Variants in ALDH2 observed in about 807,000 individuals in gnomAD.
The protein encoded by ALDH2 is aldehyde dehydrogenase, mitochondrial.
Under a neutral mutation model 59.6 loss-of-function variants are expected in ALDH2, and 44 were observed. That is an observed-to-expected ratio of 0.74 (90% CI 0.58 to 0.95). The LOEUF (loss-of-function observed/expected upper bound fraction) is 0.95. ALDH2 is among the 40% of genes least tolerant of loss of function. The pLI is 0.00. For missense variants in ALDH2, 570 were observed against 696.3 expected (o/e 0.82, Z 2.04); for synonymous variants, 291 against 284.0 (o/e 1.02, Z -0.25).
At chr12:111,780,080 A>T (rs1478710847) in intron 1 of ALDH2, among the ~76,000 whole-genome samples, 1 of 152,002 alleles carries the variant, frequency 6.6e-6, no homozygotes, top group East Asian at 1.9e-4. Context: ...TTTAGTAGAG[A>T]TGGGGTTTCA....
In ALDH2 at chr12:111,816,411, G is replaced by A. The variant is rs939976161; in HGVS notation, c.*6836G>A. On this transcript the variant is annotated 3_prime_UTR_variant, in exon 13 of 13. Coordinates refer to ENST00000261733, the MANE Select transcript of ALDH2 (RefSeq NM_000690.4). ...ATTCTTTGAACAGTAGGCTCTAGAT[G>A]TCTCAGTAGATAACCTCAAAGAGCA... The A allele has an allele frequency of 1.3e-5, 2 of 152,186 alleles. No individual in the cohort carries two copies. The highest frequency in any genetic ancestry group is 4.8e-5 in the African/African-American group (2 of 41,442). The allele number at this position is 152,186 out of a possible 1,614,324, so 9.4% of individuals were successfully genotyped here. A position where few individuals can be genotyped will look rare whatever the true frequency, so the allele number is the denominator to read the frequency against.
Position 111,781,925 on chromosome 12 carries a change from T to G in ALDH2, c.122T>G (p.Ile41Arg). Residue 41 changes from isoleucine to arginine, a missense_variant, in exon 2 of 13, where the codon ATA becomes AGA. Physicochemically the swap from Ile to Arg is moderately conservative, Grantham distance 97 (BLOSUM62 -3). Coordinates refer to ENST00000261733, the MANE Select transcript of ALDH2 (RefSeq NM_000690.4). ...CTTTCCTTCTCATTGTAGATTTTCA[T>G]AAACAATGAATGGCACGATGCCGTC... The part of the protein sequence containing the change: ...QPEVFCNQIF[I>R]NNEWHDAVSR... 3 of 1,613,500 alleles carry G rather than the reference T, an allele frequency of 1.9e-6. No individual in the cohort carries two copies. Among genetic ancestry groups the G allele is most frequent in the Non-Finnish European group, 2.5e-6 (3 of 1,179,570 alleles).
At chr12:111,807,263 AAAAAC>A (rs545281923) in intron 12 of ALDH2, among the ~76,000 whole-genome samples, 2 of 152,078 alleles carry the variant, frequency 1.3e-5, no homozygotes, top group Non-Finnish European at 2.9e-5. Context: ...ACTCTGTCTC[AAAAAC>A]AAAACAAAAC....
intron 4 of ALDH2, among the ~76,000 whole-genome samples, chr12:111,788,736 T>C (rs1279107548): frequency 6.6e-6 from 1 of 152,118 alleles, no homozygotes; most frequent in Non-Finnish European, 1.5e-5. Context: ...TGCTAATGGC[T>C]CGAGCCTGTA....
rs1383343366 is a variant in ALDH2, at chr12:111,803,942, A to G, written c.1490A>G (p.Tyr497Cys). The change falls in exon 12 of 13, where the codon TAC (tyrosine) becomes TGC (cysteine). Residue 497 changes from tyrosine to cysteine, a missense_variant. Coordinates refer to ENST00000261733, the MANE Select transcript of ALDH2 (RefSeq NM_000690.4). Reference sequence around the variant, plus strand: ...GGGAGTGGCCGGGAGTTGGGCGAGTACGGGCTGCAGGCATACACTGAAGTG... The same window carrying G: ...GGGAGTGGCCGGGAGTTGGGCGAGTGCGGGCTGCAGGCATACACTGAAGTG... ...MSGSGRELGE[Y>C]GLQAYTEVKT... 4 of 1,611,966 alleles carry G rather than the reference A, an allele frequency of 2.5e-6. No homozygotes were observed. The highest frequency in any genetic ancestry group is 3.4e-6 in the Non-Finnish European group (4 of 1,178,986).
chr12:111,780,406 T>A (rs1294249009), intron 1 of ALDH2, among the ~76,000 whole-genome samples: 1 of 152,186 alleles, frequency 6.6e-6, no homozygotes, highest in Non-Finnish European at 1.5e-5. Flanking sequence ...TCACTTCCTT[T>A]CTGGTTCACC....
intron 1 of ALDH2, among the ~76,000 whole-genome samples, chr12:111,769,809 C>T (rs745751835): frequency 4.3e-4 from 65 of 152,030 alleles, no homozygotes; most frequent in Non-Finnish European, 8.2e-4. Context: ...AGGGATGGTG[C>T]ATACAGCAGT....
At chr12:111,804,985 C>T (rs1242538027) in intron 12 of ALDH2, among the ~76,000 whole-genome samples, 2 of 152,096 alleles carry the variant, frequency 1.3e-5, no homozygotes, top group African/African-American at 2.4e-5. Flanking sequence ...TTCATCACTG[C>T]TTTATCTCTA....
chr12:111,791,437 T>C lies in ALDH2; in HGVS notation c.795+18T>C, dbSNP rs1300387250. The C allele has an allele frequency of 1.3e-6, 2 of 1,586,868 alleles. No individual in the cohort carries two copies. The highest frequency in any genetic ancestry group is 2.3e-5 in the East Asian group (1 of 44,266). On this transcript the variant is annotated intron_variant, in intron 7 of 12. Coordinates refer to ENST00000261733, the MANE Select transcript of ALDH2 (RefSeq NM_000690.4). ...CCACTGAGGTAAGGTGACCCTGGCC[T>C]CAAGCTTGCAGCCTCCTTGGCCCAA...
intron 1 of ALDH2, among the ~76,000 whole-genome samples, chr12:111,777,918 G>A (rs1328977612): frequency 6.6e-6 from 1 of 152,170 alleles, no homozygotes; most frequent in African/African-American, 2.4e-5. Flanking sequence ...CAGAACCCCA[G>A]TTAATGTTTA....
At chr12:111,771,837 G>A (rs996630135) in intron 1 of ALDH2, among the ~76,000 whole-genome samples, 9 of 152,090 alleles carry the variant, frequency 5.9e-5, no homozygotes, top group African/African-American at 1.7e-4. Context: ...GGTGGCTCAC[G>A]CCTGTAATCT....
chr12:111,776,237 G>A (rs1436288665), intron 1 of ALDH2, among the ~76,000 whole-genome samples: 6 of 152,108 alleles, frequency 3.9e-5, no homozygotes, highest in Non-Finnish European at 8.8e-5. Context: ...TTTGGTGCAG[G>A]GAACAACATA....
chr12:111,773,358 TATA>T (rs991429786), intron 1 of ALDH2, among the ~76,000 whole-genome samples: 1 of 152,198 alleles, frequency 6.6e-6, no homozygotes, highest in African/African-American at 2.4e-5. Flanking sequence ...GTGACAGGGC[TATA>T]ATAATGTTTG....
intron 2 of ALDH2, among the ~76,000 whole-genome samples, chr12:111,782,806 C>G (rs979160868): frequency 6.6e-6 from 1 of 152,008 alleles, no homozygotes; most frequent in Non-Finnish European, 1.5e-5. Context: ...ATTGCTTGAA[C>G]CCGGGAGGCG....
At chr12:111,778,061 C>T (rs2068245777) in intron 1 of ALDH2, among the ~76,000 whole-genome samples, 1 of 152,154 alleles carries the variant, frequency 6.6e-6, no homozygotes, top group African/African-American at 2.4e-5. Flanking sequence ...ACGACTCCTT[C>T]CTGGGGCACT....
At chr12:111,797,963 T>G (rs2068418402) in intron 9 of ALDH2, 115 bp from the exon 10 acceptor site, 1 of 1,273,124 alleles carries the variant, frequency 7.9e-7, no homozygotes, top group African/African-American at 1.5e-5. Context: ...GATCTTGCTT[T>G]CTTATGACCT....
Position 111,783,183 on chromosome 12 carries a change from C to A in ALDH2, c.245C>A (p.Ala82Asp). Residue 82 changes from alanine to aspartate, a missense_variant, in exon 3 of 13, where the codon GCC becomes GAC. Physicochemically the swap from Ala to Asp is moderately radical, Grantham distance 126. Transcript: ENST00000261733. The part of the protein sequence containing the change: ...DKEDVDKAVK[A>D]ARAAFQLGSP... ...GAAGATGTGGACAAGGCAGTGAAGG[C>A]CGCCCGGGCCGCCTTCCAGCTGGGC... 6.2e-7 allele frequency: 1 copy of A among 1,612,524 alleles called. No homozygotes were observed. The highest frequency in any genetic ancestry group is 8.5e-7 in the Non-Finnish European group (1 of 1,179,076).
At chr12:111,808,973 C>A (rs1355858328) in intron 12 of ALDH2, among the ~76,000 whole-genome samples, 9 of 152,066 alleles carry the variant, frequency 5.9e-5, no homozygotes, top group African/African-American at 2.2e-4. Flanking sequence ...GTGGTGACGC[C>A]AGTCCTGTGA....
intron 1 of ALDH2, among the ~76,000 whole-genome samples, chr12:111,779,731 C>G (rs2068258012): frequency 6.6e-6 from 1 of 152,204 alleles, no homozygotes. Flanking sequence ...TCACCTGTAG[C>G]CTTTGCCTCA....
Sources: gnomAD v4.1 joint callset for allele counts (sites outside exome capture counted in the v4.1 genomes callset) on GRCh38, gnomAD v4.1.1 for gene constraint, MANE v1.5 for transcripts, NCBI Gene and HGNC (gene_info 2026-07-23, HGNC 2026-07-21) for gene names.